RAP1GAP2: variants seen among roughly 807,000 people sequenced by gnomAD.
RAP1GAP2 encodes the protein rap1 GTPase-activating protein 2.
Under a neutral mutation model 95.0 loss-of-function variants are expected in RAP1GAP2, and 27 were observed. That is an observed-to-expected ratio of 0.28 (90% CI 0.21 to 0.39). The LOEUF is 0.39. Ranked by LOEUF, RAP1GAP2 falls within the 10% of genes least tolerant of loss-of-function variation. The probability of loss-of-function intolerance (pLI) is 1.00; values close to 1 mark genes in which losing one functional copy is unlikely to be tolerated. For missense variants in RAP1GAP2, 771 were observed against 970.0 expected (o/e 0.79, Z 2.72); for synonymous variants, 373 against 380.9 (o/e 0.98, Z 0.24).
intron 4 of RAP1GAP2, 36 bp downstream of exon 4, chr17:2,957,830 C>T (rs762830888): frequency 2.6e-5 from 40 of 1,560,058 alleles, no homozygotes; most frequent in Non-Finnish European, 3.2e-5. Flanking sequence ...GGGAAGAAGC[C>T]CAGCCCCAGA....
In RAP1GAP2 at chr17:3,008,077, C is replaced by G. The variant is rs758784494; in HGVS notation, c.1426C>G (p.Leu476Val). The G allele has an allele frequency of 6.2e-7, 1 of 1,613,980 alleles. No individual in the cohort carries two copies. Among genetic ancestry groups the G allele is most frequent in the East Asian group, 2.2e-5 (1 of 44,880 alleles). ...DELHAHTQAM[L>V]GLGPEEDKFE... Reference sequence around the variant, plus strand: ...GCTCCACGCCCACACACAGGCCATGCTGGGACTGGGCCCAGAGGAGGACAA... The same window carrying G: ...GCTCCACGCCCACACACAGGCCATGGTGGGACTGGGCCCAGAGGAGGACAA... Residue 476 changes from leucine (L) to valine (V), a missense_variant, in exon 17 of 25, where the codon CTG (leucine) becomes GTG (valine). Leu to Val is a conservative substitution (Grantham distance 32). Coordinates refer to ENST00000254695, the MANE Select transcript of RAP1GAP2 (RefSeq NM_015085.5). This position sits in a 1 kb window ranked among gnomAD's most constrained non-coding sequence, Gnocchi z 4.2.
At chr17:2,944,110 T>C (rs893230266) in intron 3 of RAP1GAP2, among the ~76,000 whole-genome samples, 127 of 148,472 alleles carry the variant, frequency 8.6e-4, no homozygotes, top group African/African-American at 2.9e-3. Context: ...GATTGCGCCA[T>C]TGCACTCTAG....
chr17:2,883,253 T>C (rs1234071172), intron 2 of RAP1GAP2, among the ~76,000 whole-genome samples: 3 of 152,216 alleles, frequency 2.0e-5, no homozygotes, highest in African/African-American at 4.8e-5. Context: ...GCAAAGCCTT[T>C]CCTGAGCTCC....
intron 3 of RAP1GAP2, among the ~76,000 whole-genome samples, chr17:2,932,205 T>TGGGAC (rs2043177760): frequency 6.6e-6 from 1 of 152,150 alleles, no homozygotes; most frequent in African/African-American, 2.4e-5. Context: ...TCATGGGGGA[T>TGGGAC]GGGACGCTGT....
At chr17:2,829,455 C>T (rs1220338978) in intron 2 of RAP1GAP2, among the ~76,000 whole-genome samples, 1 of 152,088 alleles carries the variant, frequency 6.6e-6, no homozygotes, top group African/African-American at 2.4e-5. Flanking sequence ...AGCGACCCTT[C>T]TCTCCTGGAG....
At chr17:2,952,884 A>T (rs2043967088) in intron 3 of RAP1GAP2, among the ~76,000 whole-genome samples, 1 of 151,772 alleles carries the variant, frequency 6.6e-6, no homozygotes, top group Admixed American at 6.6e-5. Flanking sequence ...AGCTCACTGC[A>T]GCCTCCACCT....
At chr17:2,955,855 G>C (rs1243600046) in intron 3 of RAP1GAP2, among the ~76,000 whole-genome samples, 1 of 152,166 alleles carries the variant, frequency 6.6e-6, no homozygotes, top group Non-Finnish European at 1.5e-5. Flanking sequence ...TGTGAGTGTA[G>C]CTTCTTTTAA....
At chr17:3,032,625 G>A (rs557631219) in intron 24 of RAP1GAP2, among the ~76,000 whole-genome samples, 176 bp downstream of exon 24, 26 of 152,302 alleles carry the variant, frequency 1.7e-4, no homozygotes, top group Admixed American at 1.0e-3. Context: ...GGGGCAGATG[G>A]CCTGTGTGCG....
intron 3 of RAP1GAP2, among the ~76,000 whole-genome samples, chr17:2,954,674 A>G (rs1231924745): frequency 1.3e-5 from 2 of 151,140 alleles, no homozygotes; most frequent in Non-Finnish European, 3.0e-5. Flanking sequence ...GCTCACTGCA[A>G]CCTCTGCCTC....
At chr17:2,925,645 C>T (rs889768596) in intron 3 of RAP1GAP2, among the ~76,000 whole-genome samples, 3 of 152,182 alleles carry the variant, frequency 2.0e-5, no homozygotes, top group Non-Finnish European at 4.4e-5. Context: ...GCTCTCCCTG[C>T]CTTTTCTCTA....
At chr17:2,921,698 A>G (rs75527197) in intron 3 of RAP1GAP2, among the ~76,000 whole-genome samples, 816 of 81,256 alleles carry the variant, frequency 0.01, 11 homozygotes, top group African/African-American at 0.034. Flanking sequence ...AGGTGTCCGC[A>G]GGGCCGTTAT....
intron 2 of RAP1GAP2, among the ~76,000 whole-genome samples, chr17:2,900,001 T>C (rs183692464): frequency 6.6e-6 from 1 of 152,326 alleles, no homozygotes; most frequent in Non-Finnish European, 1.5e-5. Flanking sequence ...CGAGAAGCTC[T>C]TTGCAGCCCA....
chr17:2,964,129 G>A (rs2044471218), intron 7 of RAP1GAP2, 61 bp downstream of exon 7: 1 of 1,469,860 alleles, frequency 6.8e-7, no homozygotes, highest in African/African-American at 1.5e-5. Context: ...CGCTGGGAGA[G>A]AGGAGGTACC....
chr17:2,984,050 G>A (rs1316780126), intron 10 of RAP1GAP2, among the ~76,000 whole-genome samples: 1 of 152,160 alleles, frequency 6.6e-6, no homozygotes, highest in African/African-American at 2.4e-5. Flanking sequence ...AAAAACAGTG[G>A]ATTCAAAACT....
intron 2 of RAP1GAP2, among the ~76,000 whole-genome samples, chr17:2,881,590 A>G (rs570924112): frequency 1.3e-5 from 2 of 152,340 alleles, no homozygotes; most frequent in South Asian, 2.1e-4. Context: ...GATCATTGTG[A>G]ATAGTGTTGC....
chr17:2,828,075 T>G (rs1158682253), intron 2 of RAP1GAP2, among the ~76,000 whole-genome samples: 3 of 152,140 alleles, frequency 2.0e-5, no homozygotes, highest in Non-Finnish European at 4.4e-5. Flanking sequence ...GTGCGGTGGC[T>G]CACGCCTGTC....
chr17:2,845,368 C>T (rs966327346), intron 2 of RAP1GAP2, among the ~76,000 whole-genome samples: 1 of 151,798 alleles, frequency 6.6e-6, no homozygotes, highest in African/African-American at 2.4e-5. Flanking sequence ...GTCTTGAACT[C>T]CTGACCTCAA....
intron 13 of RAP1GAP2, among the ~76,000 whole-genome samples, chr17:2,997,141 G>A (rs915389202): frequency 3.3e-5 from 5 of 151,298 alleles, no homozygotes; most frequent in Non-Finnish European, 7.4e-5. Context: ...GTGCTTGGTG[G>A]CCGAGATCAC....
At chr17:2,801,648 T>TGTGTGA (rs1359858387) in intron 2 of RAP1GAP2, among the ~76,000 whole-genome samples, 6 of 138,216 alleles carry the variant, frequency 4.3e-5, no homozygotes, top group East Asian at 4.5e-4. Flanking sequence ...TGTGTGTGTG[T>TGTGTGA]GATGTCAGCT....
Sources: allele counts gnomAD v4.1 joint callset (sites outside exome capture counted in the v4.1 genomes callset), GRCh38; gene constraint gnomAD v4.1.1; non-coding constraint Gnocchi (gnomAD v3.1); transcripts MANE v1.5; gene names NCBI Gene and HGNC (gene_info 2026-07-23, HGNC 2026-07-21).